Variants in CFDP1 observed in about 807,000 individuals in gnomAD.
The protein encoded by CFDP1 is heterochromatin-stabilizing protein CFDP1.
CFDP1 carries 31 observed loss-of-function variants against 40.1 expected under a neutral mutation model. The observed-to-expected ratio is 0.77, with a 90% CI of 0.58 to 1.04. CFDP1 has a LOEUF of 1.04. Ranked by LOEUF, CFDP1 falls within the 50% of genes least tolerant of loss-of-function variation. CFDP1 has a pLI of 0.00. For synonymous variants in CFDP1, 167 were observed against 120.0 expected, an observed-to-expected ratio of 1.39 and a Z score of -2.56; for missense variants, 423 against 343.4, an observed-to-expected ratio of 1.23 and a Z score of -1.83.
intron 5 of CFDP1, chr16:75,391,568 T>C (rs957732768): frequency 6.6e-6 from 1 of 152,204 alleles, no homozygotes; most frequent in African/African-American, 2.4e-5. Context: ...AGGGTAAATA[T>C]TTCACCAAAT....
At chr16:75,421,703 T>C (rs190172313) in intron 1 of CFDP1, among the ~76,000 whole-genome samples, 1 of 152,328 alleles carries the variant, frequency 6.6e-6, no homozygotes, top group African/African-American at 2.4e-5. Flanking sequence ...TTCCTCATTT[T>C]ATGAGGCCTG....
intron 5 of CFDP1, among the ~76,000 whole-genome samples, chr16:75,370,119 T>C (rs2078740864): frequency 6.8e-6 from 1 of 147,036 alleles, no homozygotes; most frequent in Non-Finnish European, 1.5e-5. Context: ...TGAGGCAGAG[T>C]TTCGCTCTTG....
intron 5 of CFDP1, among the ~76,000 whole-genome samples, chr16:75,389,151 A>G (rs1019375568): frequency 6.6e-6 from 1 of 152,212 alleles, no homozygotes; most frequent in African/African-American, 2.4e-5. Context: ...TTGGCTTGAA[A>G]ATAGGTAGCA....
rs144869394 is a variant in CFDP1 at position 75,295,309 on chromosome 16, G to A, written c.810-1267C>T. Among the ~76,000 whole-genome samples, 1,004 of 152,314 alleles carry A rather than the reference G, an allele frequency of 6.6e-3. 11 individuals are homozygous for A. The highest frequency in any genetic ancestry group is 0.017 in the Middle Eastern group (5 of 294). On this transcript the variant is annotated intron_variant, in intron 6 of 6. Transcript: ENST00000283882. The stretch of plus-strand genomic sequence containing the variant: ...AAATGTACAGGCTCTGAGGCCAGAG[G>A]GCTGGAGGTTTGAGTTCTGTCATTT...
chr16:75,426,733 C>T (rs774754967), intron 1 of CFDP1, among the ~76,000 whole-genome samples: 2 of 151,922 alleles, frequency 1.3e-5, no homozygotes, highest in Admixed American at 6.6e-5. Flanking sequence ...AAAAGACAAG[C>T]ACAGAGACAA....
Position 75,316,223 on chromosome 16 carries a change from C to T in CFDP1, c.651-11041G>A, listed in dbSNP as rs114150594. ...CGTGATCCCTTGGGTAAGGTTGTGA[C>T]GGCCAGAACTCTCACTTGTAAAGGT... On this transcript the variant is annotated intron_variant, in intron 5 of 6. Transcript: ENST00000283882. 2.7e-3 allele frequency among the ~76,000 whole-genome samples: 405 copies of T among 152,274 alleles called. 2 individuals are homozygous for T. The highest frequency in any genetic ancestry group is 9.2e-3 in the African/African-American group (384 of 41,534).
At chr16:75,385,803 T>G (rs1478463170) in intron 5 of CFDP1, among the ~76,000 whole-genome samples, 1 of 152,216 alleles carries the variant, frequency 6.6e-6, no homozygotes, top group Non-Finnish European at 1.5e-5. Context: ...CAAAATATAT[T>G]CACTTCATTC....
At chr16:75,298,913 C>T (rs932243360) in intron 6 of CFDP1, among the ~76,000 whole-genome samples, 1 of 152,200 alleles carries the variant, frequency 6.6e-6, no homozygotes, top group Admixed American at 6.5e-5. Flanking sequence ...CTCCAACTCA[C>T]AAAAACACCT....
chr16:75,430,840 C>A (rs1426095498), intron 1 of CFDP1, among the ~76,000 whole-genome samples: 2 of 152,116 alleles, frequency 1.3e-5, no homozygotes, highest in African/African-American at 4.8e-5. Flanking sequence ...TGTTTATTAT[C>A]AGACTTAAAG....
intron 6 of CFDP1, among the ~76,000 whole-genome samples, chr16:75,297,889 A>T (rs1317866940): frequency 1.3e-5 from 2 of 152,172 alleles, no homozygotes; most frequent in Non-Finnish European, 2.9e-5. Context: ...AGGACAAGAG[A>T]AGGGTAGAAA....
At chr16:75,412,401 C>T in intron 3 of CFDP1, 134 bp downstream of exon 3, 2 of 745,322 alleles carry the variant, frequency 2.7e-6, no homozygotes, top group Non-Finnish European at 4.7e-6. Context: ...TATTCTCCTA[C>T]CACAGGAAAT....
At chr16:75,395,040 A>G (rs1459082581) in intron 5 of CFDP1, 50 bp downstream of exon 5, 5 of 1,608,532 alleles carry the variant, frequency 3.1e-6, no homozygotes, top group Non-Finnish European at 4.2e-6. Context: ...TTGCACTGAA[A>G]GCTTCTCCAA....
chr16:75,424,882 G>C (rs1240965387), intron 1 of CFDP1, among the ~76,000 whole-genome samples: 1 of 152,064 alleles, frequency 6.6e-6, no homozygotes, highest in East Asian at 1.9e-4. Context: ...TAAACATATT[G>C]GAAAGGAAGA....
chr16:75,331,953 G>A (rs78339968), intron 5 of CFDP1, among the ~76,000 whole-genome samples: 5,091 of 152,214 alleles, frequency 0.033, 118 homozygotes, highest in Non-Finnish European at 0.055. Context: ...AGAGGTTCTG[G>A]CTGCTCCATA....
chr16:75,305,004 T>C lies in CFDP1; in HGVS notation c.809+20A>G. ...AGGGTTCTGAGGATTTTCCAAGGCA[T>C]AAAACCTACTCCTTCTTACCCCTCT... On this transcript the variant is annotated intron_variant, in intron 6 of 6. Coordinates refer to ENST00000283882, the MANE Select transcript of CFDP1 (RefSeq NM_006324.3). 6.2e-7 allele frequency: 1 copy of C among 1,612,280 alleles called. No homozygotes were observed. The highest frequency in any genetic ancestry group is 2.2e-5 in the East Asian group (1 of 44,864).
chr16:75,421,184 G>C (rs1395693493), intron 1 of CFDP1, among the ~76,000 whole-genome samples: 4 of 152,138 alleles, frequency 2.6e-5, no homozygotes, highest in African/African-American at 9.7e-5. Flanking sequence ...TGCAACCTGG[G>C]ATTCAAAGCT....
intron 5 of CFDP1, among the ~76,000 whole-genome samples, chr16:75,360,698 A>G (rs1488543043): frequency 6.6e-6 from 1 of 152,234 alleles, no homozygotes. Context: ...ACCACACAGA[A>G]TAAGTCTTAT....
At chr16:75,369,499 A>C (rs1371963548) in intron 5 of CFDP1, among the ~76,000 whole-genome samples, 1 of 152,226 alleles carries the variant, frequency 6.6e-6, no homozygotes, top group Non-Finnish European at 1.5e-5. Flanking sequence ...ATACATTTAG[A>C]CACATGGCTT....
intron 5 of CFDP1, among the ~76,000 whole-genome samples, chr16:75,361,715 C>G (rs2078680612): frequency 6.6e-6 from 1 of 152,086 alleles, no homozygotes; most frequent in Non-Finnish European, 1.5e-5. Flanking sequence ...TTACAATACA[C>G]AATAGAACTG....
Sources: allele counts gnomAD v4.1 joint callset (sites outside exome capture counted in the v4.1 genomes callset), GRCh38; gene constraint gnomAD v4.1.1; transcripts MANE v1.5; gene names NCBI Gene and HGNC (gene_info 2026-07-23, HGNC 2026-07-21).